CYB5B: variants seen among roughly 807,000 people sequenced by gnomAD.
CYB5B encodes the protein cytochrome b5 type B.
Under a neutral mutation model 21.3 loss-of-function variants are expected in CYB5B, and 14 were observed. That is an observed-to-expected ratio of 0.66 (90% CI 0.43 to 1.03). The LOEUF (loss-of-function observed/expected upper bound fraction) is 1.03. Ranked by LOEUF, CYB5B falls within the 50% of genes least tolerant of loss-of-function variation. The pLI, the probability that CYB5B is intolerant of heterozygous loss-of-function variation, is 0.00. For synonymous variants in CYB5B, 69 were observed against 68.4 expected, an observed-to-expected ratio of 1.01 and a Z score of -0.04; for missense variants, 166 against 185.1, an observed-to-expected ratio of 0.90 and a Z score of 0.60.
At chr16:69,458,687 A>G (rs1402577383) in intron 3 of CYB5B, among the ~76,000 whole-genome samples, 1 of 152,176 alleles carries the variant, frequency 6.6e-6, no homozygotes, top group Non-Finnish European at 1.5e-5. Flanking sequence ...ATGTTAGAAG[A>G]GCTTTTTGGA....
intron 1 of CYB5B, among the ~76,000 whole-genome samples, chr16:69,439,509 T>C (rs2014797997): frequency 3.3e-5 from 5 of 151,940 alleles, no homozygotes; most frequent in Admixed American, 2.0e-4. Context: ...ACGCCCGGCC[T>C]GTTTCTTTTT....
intron 3 of CYB5B, among the ~76,000 whole-genome samples, chr16:69,454,906 G>T (rs1016456885): frequency 2.6e-5 from 4 of 151,960 alleles, no homozygotes; most frequent in African/African-American, 9.7e-5. Flanking sequence ...GTTTTGTTTT[G>T]TTTTTGAGAC....
At chr16:69,442,487 A>G (rs769024328) in intron 1 of CYB5B, among the ~76,000 whole-genome samples, 2 of 152,020 alleles carry the variant, frequency 1.3e-5, no homozygotes, top group Non-Finnish European at 2.9e-5. Flanking sequence ...AGCGGCTCAT[A>G]TATCTTTCTT....
rs760931175 is a variant in CYB5B, at chr16:69,424,899, G to C, written c.174+42G>C. On this transcript the variant is annotated intron_variant, in intron 1 of 4. Coordinates refer to ENST00000307892, the MANE Select transcript of CYB5B (RefSeq NM_030579.3). Reference sequence around the variant, plus strand: ...GGGAGGCCTCTGAAGCTGCTGGGGCGAGGGGTGAAAAGGCTGTGTGGAGTG... The same window carrying C: ...GGGAGGCCTCTGAAGCTGCTGGGGCCAGGGGTGAAAAGGCTGTGTGGAGTG... 7.3e-6 allele frequency: 11 copies of C among 1,503,270 alleles called. No individual in the cohort carries two copies. In the African/African-American group the frequency reaches 1.6e-4, roughly 21 times the overall value. 93.1% of individuals were successfully genotyped at this position (1,503,270 alleles called of 1,614,324 possible).
intron 4 of CYB5B, among the ~76,000 whole-genome samples, chr16:69,460,365 A>G (rs2015023008): frequency 6.6e-6 from 1 of 152,250 alleles, no homozygotes; most frequent in Admixed American, 6.5e-5. Context: ...CCTCAGTAGA[A>G]TATGAGAAAA....
At chr16:69,458,822 T>C (rs930408731) in intron 3 of CYB5B, among the ~76,000 whole-genome samples, 2 of 152,230 alleles carry the variant, frequency 1.3e-5, no homozygotes, top group Non-Finnish European at 2.9e-5. Flanking sequence ...TTAACATTTT[T>C]TAACATCTAA....
intron 1 of CYB5B, among the ~76,000 whole-genome samples, chr16:69,446,856 G>A (rs2014883511): frequency 6.6e-6 from 1 of 152,142 alleles, no homozygotes; most frequent in Non-Finnish European, 1.5e-5. Flanking sequence ...TTTCATGACT[G>A]TGGTATCTTT....
At chr16:69,450,568 C>T (rs1423123808) in intron 3 of CYB5B, among the ~76,000 whole-genome samples, 1 of 152,196 alleles carries the variant, frequency 6.6e-6, no homozygotes, top group African/African-American at 2.4e-5. Flanking sequence ...AACCTGACTT[C>T]AGTTCCAGGA....
intron 4 of CYB5B, among the ~76,000 whole-genome samples, chr16:69,461,322 T>C (rs1175610621): frequency 6.6e-6 from 1 of 152,220 alleles, no homozygotes; most frequent in Non-Finnish European, 1.5e-5. Context: ...TTCATTACTC[T>C]TATCAGGAGA....
At chr16:69,425,278 G>C (rs2014631680) in intron 1 of CYB5B, among the ~76,000 whole-genome samples, 1 of 152,098 alleles carries the variant, frequency 6.6e-6, no homozygotes. Context: ...AAGTAATACC[G>C]GTTTTGGTTT....
chr16:69,435,230 A>G (rs140649702), intron 1 of CYB5B, among the ~76,000 whole-genome samples: 3 of 152,346 alleles, frequency 2.0e-5, no homozygotes, highest in Non-Finnish European at 4.4e-5. Flanking sequence ...GGTTGTGACA[A>G]GTAATTTAAA....
In CYB5B at chr16:69,462,485, T is replaced by C; in HGVS notation, c.418T>C (p.Tyr140His). Reference sequence around the variant, plus strand: ...AGGCGCTGTTCTCTTAGGTTTCCTGTACCGCTACTACACATCGGAAAGCAA... The same window carrying C: ...AGGCGCTGTTCTCTTAGGTTTCCTGCACCGCTACTACACATCGGAAAGCAA... ...IIGAVLLGFL[Y>H]RYYTSESKSS Residue 140 changes from tyrosine (Y) to histidine (H), a missense_variant, in exon 5 of 5, where the codon TAC (tyrosine) becomes CAC (histidine). Transcript: ENST00000307892. The C allele has an allele frequency of 6.2e-7, 1 of 1,614,166 alleles. No homozygotes were observed.
intron 1 of CYB5B, among the ~76,000 whole-genome samples, chr16:69,426,708 A>AT (rs1344471755): frequency 2.0e-5 from 3 of 151,028 alleles, no homozygotes; most frequent in Non-Finnish European, 4.4e-5. Context: ...CCAAAAAAAA[A>AT]AAAAAAAAAG....
intron 1 of CYB5B, among the ~76,000 whole-genome samples, chr16:69,435,697 G>C (rs186829095): frequency 2.0e-5 from 3 of 152,118 alleles, no homozygotes; most frequent in African/African-American, 7.2e-5. Flanking sequence ...GAGTGCAGTG[G>C]CGCGGTCTCA....
chr16:69,451,587 AT>A (rs1042879428), intron 3 of CYB5B, among the ~76,000 whole-genome samples: 8 of 151,734 alleles, frequency 5.3e-5, no homozygotes, highest in South Asian at 2.1e-4. Flanking sequence ...TCCCCATTAC[AT>A]TTTTTTTGAG....
intron 2 of CYB5B, 64 bp from the exon 3 acceptor site, chr16:69,448,051 A>G: frequency 6.5e-7 from 1 of 1,537,966 alleles, no homozygotes; most frequent in South Asian, 1.2e-5. Context: ...GTTAGAAACA[A>G]GCATATAGTG....
At chr16:69,454,116 G>A (rs998564828) in intron 3 of CYB5B, among the ~76,000 whole-genome samples, 1 of 152,236 alleles carries the variant, frequency 6.6e-6, no homozygotes, top group East Asian at 1.9e-4. Flanking sequence ...CACTTCTTAA[G>A]TCCTGATAGA....
At chr16:69,448,068 C>T (rs755803009) in intron 2 of CYB5B, 47 bp from the exon 3 acceptor site, 1 of 1,587,950 alleles carries the variant, frequency 6.3e-7, no homozygotes, top group Admixed American at 1.7e-5. Flanking sequence ...AGTGAGAATT[C>T]ATTTGGCTAT....
At chr16:69,439,486 G>T (rs1300133987) in intron 1 of CYB5B, among the ~76,000 whole-genome samples, 52 of 152,252 alleles carry the variant, frequency 3.4e-4, no homozygotes, top group Non-Finnish European at 7.4e-5. Flanking sequence ...TGGGATTACA[G>T]TTGTGAGCCA....
Sources: allele counts gnomAD v4.1 joint callset (sites outside exome capture counted in the v4.1 genomes callset), GRCh38; gene constraint gnomAD v4.1.1; transcripts MANE v1.5; gene names NCBI Gene and HGNC (gene_info 2026-07-23, HGNC 2026-07-21).